Variants in ALDH8A1 observed in about 807,000 individuals in gnomAD.
The protein encoded by ALDH8A1 is 2-aminomuconic semialdehyde dehydrogenase.
Under a neutral mutation model 43.3 loss-of-function variants are expected in ALDH8A1, and 39 were observed. The ratio of observed to expected loss-of-function variants is 0.90; its 90% CI spans 0.70 to 1.18. The LOEUF is 1.18. Among genes scored for constraint, ALDH8A1 ranks in the 50% most tolerant of loss-of-function variants. The pLI is 0.00. For missense variants in ALDH8A1, 605 were observed against 622.6 expected, an observed-to-expected ratio of 0.97 and a Z score of 0.30; for synonymous variants, 233 against 243.5, an observed-to-expected ratio of 0.96 and a Z score of 0.40.
intron 4 of ALDH8A1, among the ~76,000 whole-genome samples, chr6:134,938,377 C>A (rs756584717): frequency 2.6e-5 from 4 of 152,178 alleles, no homozygotes; most frequent in Admixed American, 6.5e-5. Context: ...ATCCTGAATG[C>A]GGCCAATAAA....
chr6:134,918,785 G>T lies in ALDH8A1; in HGVS notation c.1094C>A (p.Ala365Asp), dbSNP rs752686912. The T allele has an allele frequency of 6.2e-7, 1 of 1,614,026 alleles. No individual in the cohort carries two copies. Among genetic ancestry groups the T allele is most frequent in the Non-Finnish European group, 8.5e-7 (1 of 1,180,028 alleles). Residue 365 changes from alanine to aspartate, a missense_variant, in exon 7 of 7, where the codon GCC becomes GAC. Physicochemically the swap from Ala to Asp is moderately radical, Grantham distance 126 (BLOSUM62 -2). Transcript: ENST00000265605. The stretch of plus-strand genomic sequence containing the variant: ...CATAAAGTAGCCTGCCTGGTTCCTG[G>T]CAGGGAGGCTCAACTTATCCACTCC... The part of the protein sequence containing the change: ...GEGVDKLSLP[A>D]RNQAGYFMLP...
rs1162897993 is a variant in ALDH8A1, at chr6:134,917,554, T to C, written c.*861A>G. 1 of 152,090 alleles carries C rather than the reference T, an allele frequency of 6.6e-6. No homozygotes were observed. Among genetic ancestry groups the C allele is most frequent in the Non-Finnish European group, 1.5e-5 (1 of 68,010 alleles). The allele number at this position is 152,090 out of a possible 1,614,324, so 9.4% of individuals were successfully genotyped here. Reference sequence around the variant, plus strand: ...TCCAAGTTTCCTCCAAAAGTAGTAGTTATTTTGTTTTTCTTCATCCTTGTA... The same window carrying C: ...TCCAAGTTTCCTCCAAAAGTAGTAGCTATTTTGTTTTTCTTCATCCTTGTA... On this transcript the variant is annotated 3_prime_UTR_variant, in exon 7 of 7. Transcript: ENST00000265605.
rs1227852725 is a variant in ALDH8A1 at position 134,918,019 on chromosome 6, T to C, written c.*396A>G. ...CTCAAGTGATCCACCCACCTTGGCC[T>C]CCCAAAGTGCTGGGATTATAGGCAT... On this transcript the variant is annotated 3_prime_UTR_variant, in exon 7 of 7. Transcript: ENST00000265605. The C allele has an allele frequency of 5.0e-6, 1 of 199,980 alleles. No individual in the cohort carries two copies. Among genetic ancestry groups the C allele is most frequent in the Non-Finnish European group, 1.0e-5 (1 of 98,062 alleles). The allele number at this position is 199,980 out of a possible 1,614,324, so 12.4% of individuals were successfully genotyped here.
chr6:134,945,809 A>T (rs182744262), intron 1 of ALDH8A1, among the ~76,000 whole-genome samples: 2 of 151,996 alleles, frequency 1.3e-5, no homozygotes, highest in Non-Finnish European at 2.9e-5. Flanking sequence ...CATTTCCCTC[A>T]TGCAAAGTGA....
At chr6:134,945,185 A>G (rs1020761132) in intron 1 of ALDH8A1, among the ~76,000 whole-genome samples, 2 of 152,180 alleles carry the variant, frequency 1.3e-5, no homozygotes, top group African/African-American at 4.8e-5. Context: ...TCAAAATTCT[A>G]TAACATGAGT....
At position 134,929,152 on chromosome 6, in the gene ALDH8A1, T is replaced by C; in HGVS notation, c.913A>G (p.Lys305Glu). ...VQKSIYSEFL[K>E]RFVEATRKWK... is the part of the protein sequence containing the mutation. ...TTTCTGGTAGCTTCTACAAATCTCT[T>C]TAAAAATTCACTATAGATGCTCTTC... Residue 305 changes from lysine to glutamate, a missense_variant, in exon 6 of 7, where the codon AAG (lysine) becomes GAG (glutamate). Coordinates refer to ENST00000265605, the MANE Select transcript of ALDH8A1 (RefSeq NM_022568.4). 6.2e-7 allele frequency: 1 copy of C among 1,614,110 alleles called. No homozygotes were observed. The highest frequency in any genetic ancestry group is 8.5e-7 in the Non-Finnish European group (1 of 1,180,016).
rs147800650 is a variant in ALDH8A1 at position 134,942,493 on chromosome 6, A to C, written c.358T>G (p.Ser120Ala). ...CACTCTGACGTGTGGTGCAGGCTGG[A>C]GGAAGCGAAGAACCTGAAGTTCTGC... Reference protein sequence around the residue: ...SVQNFRFFASSSLHHTSECTQ... With the variant: ...SVQNFRFFASASLHHTSECTQ... Residue 120 changes from serine (S) to alanine (A), a missense_variant, in exon 3 of 7, where the codon TCC (serine) becomes GCC (alanine). By Grantham distance (99) the Ser-to-Ala change is moderately conservative. Coordinates refer to ENST00000265605, the MANE Select transcript of ALDH8A1 (RefSeq NM_022568.4). The C allele has an allele frequency of 2.7e-5, 43 of 1,614,210 alleles. No homozygotes were observed. In the African/African-American group the frequency reaches 5.5e-4, roughly 21 times the overall value.
In ALDH8A1 at chr6:134,918,409, CA is replaced by C; in HGVS notation, c.*5del. 1 of 1,611,192 alleles carries C rather than the reference CA, an allele frequency of 6.2e-7. No individual in the cohort carries two copies. Among genetic ancestry groups the C allele is most frequent in the South Asian group, 1.1e-5 (1 of 90,898 alleles). On this transcript the variant is annotated 3_prime_UTR_variant, in exon 7 of 7. Coordinates refer to ENST00000265605, the MANE Select transcript of ALDH8A1 (RefSeq NM_022568.4). Reference sequence around the variant, plus strand: ...TTGGCCATAGTGGCTCCACCATTAGCAAAGATCAGTGTTTAACGGTGATGGT... The same window carrying C: ...TTGGCCATAGTGGCTCCACCATTAGCAAGATCAGTGTTTAACGGTGATGGT...
chr6:134,923,415 T>C (rs935272672), intron 6 of ALDH8A1, among the ~76,000 whole-genome samples: 1 of 152,198 alleles, frequency 6.6e-6, no homozygotes, highest in Non-Finnish European at 1.5e-5. Flanking sequence ...TTCAAAAGTT[T>C]TTTTTAAAAG....
At chr6:134,938,835 G>A (rs945181664) in intron 4 of ALDH8A1, among the ~76,000 whole-genome samples, 1 of 152,028 alleles carries the variant, frequency 6.6e-6, no homozygotes, top group Non-Finnish European at 1.5e-5. Flanking sequence ...TTTTAGTAGA[G>A]ACGGGGTTTC....
chr6:134,918,335 C>A lies in ALDH8A1; in HGVS notation c.*80G>T. The stretch of plus-strand genomic sequence containing the variant: ...AGTCAAGGCATAGCTGGAATTCATG[C>A]CATGATTTTCATCTACCACATTGAA... On this transcript the variant is annotated 3_prime_UTR_variant, in exon 7 of 7. Coordinates refer to ENST00000265605, the MANE Select transcript of ALDH8A1 (RefSeq NM_022568.4). 3 of 1,377,848 alleles carry A rather than the reference C, an allele frequency of 2.2e-6. No individual in the cohort carries two copies. The highest frequency in any genetic ancestry group is 3.0e-6 in the Non-Finnish European group (3 of 998,054). The allele number at this position is 1,377,848 out of a possible 1,614,324, so 85.4% of individuals were successfully genotyped here.
intron 6 of ALDH8A1, among the ~76,000 whole-genome samples, chr6:134,925,216 G>A (rs1776863805): frequency 6.6e-6 from 1 of 152,148 alleles, no homozygotes; most frequent in Non-Finnish European, 1.5e-5. Context: ...TGTGACGTAA[G>A]CTGGAATCAC....
At chr6:134,941,191 G>A (rs958513115) in intron 3 of ALDH8A1, among the ~76,000 whole-genome samples, 1 of 152,070 alleles carries the variant, frequency 6.6e-6, no homozygotes, top group Non-Finnish European at 1.5e-5. Context: ...TTTATTTAAT[G>A]TACATAAATA....
intron 1 of ALDH8A1, chr6:134,944,226 C>T (rs147610929): frequency 6.6e-4 from 237 of 359,452 alleles, no homozygotes; most frequent in Non-Finnish European, 1.9e-4. Flanking sequence ...TGCCACCATG[C>T]CCAGCTAATT....
At chr6:134,939,887 C>T (rs1412241642) in intron 3 of ALDH8A1, among the ~76,000 whole-genome samples, 1 of 152,152 alleles carries the variant, frequency 6.6e-6, no homozygotes, top group Non-Finnish European at 1.5e-5. Context: ...GAATACAATG[C>T]AGCCATAAAA....
chr6:134,926,045 T>C (rs1456004824), intron 6 of ALDH8A1, among the ~76,000 whole-genome samples: 1 of 152,064 alleles, frequency 6.6e-6, no homozygotes, highest in East Asian at 1.9e-4. Context: ...TTTCTTAGGT[T>C]ATTCTAAAGA....
At chr6:134,943,658 G>C (rs949225021) in intron 2 of ALDH8A1, among the ~76,000 whole-genome samples, 161 bp downstream of exon 2, 1 of 152,214 alleles carries the variant, frequency 6.6e-6, no homozygotes, top group Non-Finnish European at 1.5e-5. Flanking sequence ...CCAGCCACAA[G>C]TCCTGGCCTT....
intron 4 of ALDH8A1, among the ~76,000 whole-genome samples, chr6:134,937,697 G>C (rs866954828): frequency 1.3e-5 from 2 of 152,194 alleles, no homozygotes; most frequent in Non-Finnish European, 2.9e-5. Flanking sequence ...CCCAGGCCTA[G>C]TCCACTCTGG....
intron 6 of ALDH8A1, among the ~76,000 whole-genome samples, chr6:134,921,939 C>G (rs1249383733): frequency 6.6e-6 from 1 of 152,224 alleles, no homozygotes; most frequent in African/African-American, 2.4e-5. Context: ...TCTATTAGCT[C>G]TCTCCCAAAG....
Sources: gnomAD v4.1 joint callset for allele counts (sites outside exome capture counted in the v4.1 genomes callset) on GRCh38, gnomAD v4.1.1 for gene constraint, MANE v1.5 for transcripts, NCBI Gene and HGNC (gene_info 2026-07-23, HGNC 2026-07-21) for gene names.